Variants in ZDHHC13 observed in about 807,000 individuals in gnomAD.
ZDHHC13 encodes zDHHC palmitoyltransferase 13, also known as palmitoyltransferase ZDHHC13.
ZDHHC13 carries 85 observed loss-of-function variants against 86.0 expected under a neutral mutation model. The ratio of observed to expected loss-of-function variants is 0.99; its 90% CI spans 0.83 to 1.18. The LOEUF (loss-of-function observed/expected upper bound fraction) is 1.18. Among genes scored for constraint, ZDHHC13 ranks in the 50% most tolerant of loss-of-function variants. The pLI is 0.00. For missense variants in ZDHHC13, 711 were observed against 730.2 expected, an observed-to-expected ratio of 0.97 and a Z score of 0.30; for synonymous variants, 263 against 246.4, an observed-to-expected ratio of 1.07 and a Z score of -0.63.
Position 19,176,038 on chromosome 11 carries a change from A to T in ZDHHC13, c.*78A>T, listed in dbSNP as rs1234817674. 6.8e-7 allele frequency: 1 copy of T among 1,479,014 alleles called. No individual in the cohort carries two copies. Among genetic ancestry groups the T allele is most frequent in the African/African-American group, 1.4e-5 (1 of 69,500 alleles). The allele number at this position is 1,479,014 out of a possible 1,614,324, so 91.6% of individuals were successfully genotyped here. On this transcript the variant is annotated 3_prime_UTR_variant, in exon 17 of 17. Coordinates refer to ENST00000446113, the MANE Select transcript of ZDHHC13 (RefSeq NM_019028.3). ...CCTGTAGTTTGAAAGTGAAGTAAAG[A>T]TTTAGAATTCACCTAAGTCCAAAGG...
chr11:19,165,168 T>G, intron 13 of ZDHHC13, 23 bp downstream of exon 13: 1 of 1,595,570 alleles, frequency 6.3e-7, no homozygotes, highest in Non-Finnish European at 8.5e-7. Context: ...ATTTTTCAAT[T>G]ACTACTGTGA....
intron 1 of ZDHHC13, among the ~76,000 whole-genome samples, chr11:19,141,180 C>G (rs1003080285): frequency 6.6e-6 from 1 of 151,884 alleles, no homozygotes; most frequent in Non-Finnish European, 1.5e-5. Context: ...ATTACTTTAA[C>G]AGGAATCTAT....
At position 19,150,715 on chromosome 11, in the gene ZDHHC13, CT is replaced by C; in HGVS notation, c.520-7del. 1 of 1,598,502 alleles carries C rather than the reference CT, an allele frequency of 6.3e-7. No individual in the cohort carries two copies. The highest frequency in any genetic ancestry group is 8.6e-7 in the Non-Finnish European group (1 of 1,169,102). Reference sequence around the variant, plus strand: ...TATTTACAGTTATGCTAATTGTCTTCTTTTTGAATAGAGTGTGAATATGACA... The same window carrying C: ...TATTTACAGTTATGCTAATTGTCTTCTTTTGAATAGAGTGTGAATATGACA... On this transcript the variant is annotated splice_polypyrimidine_tract_variant and intron_variant, in intron 5 of 16. Transcript: ENST00000446113.
rs986607232 is a variant in ZDHHC13 at position 19,150,748 on chromosome 11, A to G, written c.541A>G (p.Asn181Asp). The change falls in exon 6 of 17, where the codon AAT becomes GAT. Residue 181 changes from asparagine (N) to aspartate (D), a missense_variant. Transcript: ENST00000446113. ...ATAGAGTGTGAATATGACAGATGTA[A>G]ATGGGCAGACACCTCTCATGTTATC... ...KGQSVNMTDVNGQTPLMLSAH... is the reference protein window; with the variant it reads ...KGQSVNMTDVDGQTPLMLSAH... The G allele has an allele frequency of 9.3e-6, 15 of 1,610,800 alleles. No homozygotes were observed. Among genetic ancestry groups the G allele is most frequent in the East Asian group, 2.2e-5 (1 of 44,738 alleles).
intron 12 of ZDHHC13, 89 bp from the exon 13 acceptor site, chr11:19,164,963 C>G (rs1215967531): frequency 3.7e-6 from 4 of 1,086,202 alleles, no homozygotes; most frequent in Admixed American, 2.0e-5. Context: ...GCCAATGCCT[C>G]TGTGACCTAA....
At chr11:19,169,223 C>T in intron 14 of ZDHHC13, 1 of 985,398 alleles carries the variant, frequency 1.0e-6, no homozygotes, top group Non-Finnish European at 1.2e-6. Flanking sequence ...GTTTTCTCCA[C>T]CTACTGTTGG....
intron 15 of ZDHHC13, 50 bp downstream of exon 15, chr11:19,170,618 G>A: frequency 2.1e-6 from 3 of 1,451,406 alleles, no homozygotes; most frequent in South Asian, 2.7e-5. Flanking sequence ...TCTAAAACTT[G>A]TAGTGAGACA....
chr11:19,155,846 C>T lies in ZDHHC13; in HGVS notation c.924C>T (p.Tyr308=), dbSNP rs1188379695. The change falls in exon 9 of 17, where the codon TAC becomes TAT. Residue 308 remains tyrosine, a synonymous_variant. Coordinates refer to ENST00000446113, the MANE Select transcript of ZDHHC13 (RefSeq NM_019028.3). The part of the protein sequence containing the change: ...LSVITMWAIG[Y]ILDFNSDSWL... Reference sequence around the variant, plus strand: ...TGATTACCATGTGGGCTATTGGATACATATTGGACTTCAATTCAGATTCTT... The same window carrying T: ...TGATTACCATGTGGGCTATTGGATATATATTGGACTTCAATTCAGATTCTT... The T allele has an allele frequency of 6.2e-7, 1 of 1,612,898 alleles. No individual in the cohort carries two copies. Among genetic ancestry groups the T allele is most frequent in the Non-Finnish European group, 8.5e-7 (1 of 1,179,726 alleles).
Position 19,172,741 on chromosome 11 carries a change from A to G in ZDHHC13, c.1651A>G (p.Thr551Ala). ...QLFQIAFLGLTSHERISLQKQ... is the reference protein window; with the variant it reads ...QLFQIAFLGLASHERISLQKQ... ...TTTTCAGATTGCCTTTCTGGGCCTG[A>G]CCTCCCATGAGAGAATCAGCCTGCA... Residue 551 changes from threonine (T) to alanine (A), a missense_variant, in exon 16 of 17, where the codon ACC becomes GCC. Transcript: ENST00000446113. 1 of 1,601,898 alleles carries G rather than the reference A, an allele frequency of 6.2e-7. No homozygotes were observed. Among genetic ancestry groups the G allele is most frequent in the South Asian group, 1.1e-5 (1 of 88,378 alleles).
intron 14 of ZDHHC13, chr11:19,167,081 C>A (rs2133471679): frequency 6.6e-6 from 1 of 152,200 alleles, no homozygotes; most frequent in Middle Eastern, 3.4e-3. Context: ...GTTTTTCAGA[C>A]CTTGGAAATA....
At chr11:19,126,736 T>G (rs1848886907) in intron 1 of ZDHHC13, among the ~76,000 whole-genome samples, 1 of 152,112 alleles carries the variant, frequency 6.6e-6, no homozygotes, top group Non-Finnish European at 1.5e-5. Context: ...TTTCTGTTCC[T>G]GCATAGGGGT....
chr11:19,136,234 T>G (rs943219201), intron 1 of ZDHHC13, among the ~76,000 whole-genome samples: 1 of 152,098 alleles, frequency 6.6e-6, no homozygotes, highest in Non-Finnish European at 1.5e-5. Context: ...TTAAAGGAGC[T>G]GATGGAGCTG....
intron 1 of ZDHHC13, among the ~76,000 whole-genome samples, chr11:19,139,674 G>C (rs1480408486): frequency 2.0e-5 from 3 of 151,356 alleles, no homozygotes; most frequent in Non-Finnish European, 4.4e-5. Context: ...ATACTACAAG[G>C]CTACAGTAAC....
rs1455474696 is a variant in ZDHHC13 at position 19,147,601 on chromosome 11, A to G, written c.302A>G (p.Tyr101Cys). The change falls in exon 4 of 17, where the codon TAT (tyrosine) becomes TGT (cysteine). Residue 101 changes from tyrosine to cysteine, a missense_variant. Coordinates refer to ENST00000446113, the MANE Select transcript of ZDHHC13 (RefSeq NM_019028.3). ...TTTGTGTCTGCTTTTAACAGGTTTTATATTTCAAAAGGTGCTGTTGTAGAT... is the reference window on the plus strand; with the variant it reads ...TTTGTGTCTGCTTTTAACAGGTTTTGTATTTCAAAAGGTGCTGTTGTAGAT... ...INNRLDLVKFYISKGAVVDQL... is the reference protein window; with the variant it reads ...INNRLDLVKFCISKGAVVDQL... 1 of 1,594,540 alleles carries G rather than the reference A, an allele frequency of 6.3e-7. No individual in the cohort carries two copies. The highest frequency in any genetic ancestry group is 1.1e-5 in the South Asian group (1 of 87,734).
chr11:19,143,242 C>A, intron 2 of ZDHHC13, 119 bp downstream of exon 2: 2 of 1,058,994 alleles, frequency 1.9e-6, no homozygotes, highest in Non-Finnish European at 2.6e-6. Flanking sequence ...TAGTTAACAC[C>A]AGCACCAGTA....
intron 1 of ZDHHC13, among the ~76,000 whole-genome samples, chr11:19,119,972 A>G (rs927031797): frequency 2.0e-5 from 3 of 152,218 alleles, no homozygotes; most frequent in Non-Finnish European, 4.4e-5. Flanking sequence ...CTGGCAGGAT[A>G]ATGCCTGTCA....
chr11:19,164,201 C>T, intron 11 of ZDHHC13, 100 bp from the exon 12 acceptor site: 1 of 1,207,530 alleles, frequency 8.3e-7, no homozygotes, highest in Non-Finnish European at 1.2e-6. Flanking sequence ...GCTTTTCTAA[C>T]TACTTCAGTT....
In ZDHHC13 at chr11:19,155,780, C is replaced by T; in HGVS notation, c.874-16C>T. ...GTAAAATCCATAAAGTTCTAAAATT[C>T]TGAATCTCTTAATAGCTCTTCCTGC... is the stretch of plus-strand genomic sequence containing the variant. On this transcript the variant is annotated splice_polypyrimidine_tract_variant and intron_variant, in intron 8 of 16. Coordinates refer to ENST00000446113, the MANE Select transcript of ZDHHC13 (RefSeq NM_019028.3). 6.2e-7 allele frequency: 1 copy of T among 1,606,036 alleles called. No homozygotes were observed. The highest frequency in any genetic ancestry group is 8.5e-7 in the Non-Finnish European group (1 of 1,178,264).
At chr11:19,158,790 T>C in intron 9 of ZDHHC13, 150 bp from the exon 10 acceptor site, 1 of 502,694 alleles carries the variant, frequency 2.0e-6, no homozygotes. Context: ...TATTACCACA[T>C]GGAAAGTGAC....
Sources: allele counts gnomAD v4.1 joint callset (sites outside exome capture counted in the v4.1 genomes callset), GRCh38; gene constraint gnomAD v4.1.1; transcripts MANE v1.5; gene names NCBI Gene and HGNC (gene_info 2026-07-23, HGNC 2026-07-21).